The following BCKDHB variants were observed in gnomAD, a reference collection of about 807,000 sequenced individuals.
BCKDHB encodes 2-oxoisovalerate dehydrogenase subunit beta, mitochondrial.
BCKDHB carries 41 observed loss-of-function variants against 48.5 expected under a neutral mutation model. The ratio of observed to expected loss-of-function variants is 0.85; its 90% CI spans 0.66 to 1.10. BCKDHB has a LOEUF of 1.10. Among genes scored for constraint, BCKDHB ranks in the 50% least tolerant of loss-of-function variants. The pLI is 0.00. For missense variants in BCKDHB, 496 were observed against 494.2 expected, an observed-to-expected ratio of 1.00 and a Z score of -0.03; for synonymous variants, 201 against 174.8, an observed-to-expected ratio of 1.15 and a Z score of -1.18.
At chr6:80,244,703 A>G (rs1776534763) in intron 8 of BCKDHB, among the ~76,000 whole-genome samples, 1 of 152,216 alleles carries the variant, frequency 6.6e-6, no homozygotes, top group Non-Finnish European at 1.5e-5. Flanking sequence ...GCCTTGTGGA[A>G]GCTGACAAAA....
At chr6:80,425,448 T>C in the BCKDHB span, among the ~76,000 whole-genome samples, 1 of 152,198 alleles carries the variant, frequency 6.6e-6, no homozygotes, top group Non-Finnish European at 1.5e-5. Context: ...ATTCAATGAA[T>C]TTGCTCTTTA....
chr6:80,343,535 A>G (rs899770864), intron 9 of BCKDHB, 129 bp from the exon 10 acceptor site: 6 of 1,016,002 alleles, frequency 5.9e-6, no homozygotes, highest in African/African-American at 3.2e-5. Context: ...ATATTACAGT[A>G]TACTTAAATA....
chr6:80,125,304 G>T (rs938133807), intron 1 of BCKDHB, among the ~76,000 whole-genome samples: 2 of 152,234 alleles, frequency 1.3e-5, no homozygotes, highest in African/African-American at 4.8e-5. Flanking sequence ...ACTTGCCCTG[G>T]ATTAGGCTTT....
chr6:80,414,879 A>C, the BCKDHB span, among the ~76,000 whole-genome samples: 1 of 152,070 alleles, frequency 6.6e-6, no homozygotes, highest in Non-Finnish European at 1.5e-5. Context: ...GAATCTTCCT[A>C]TTCGGGAGCA....
chr6:80,276,841 A>G (rs909920278), intron 9 of BCKDHB, among the ~76,000 whole-genome samples: 1 of 151,992 alleles, frequency 6.6e-6, no homozygotes, highest in Admixed American at 6.6e-5. Context: ...TTCATAAAAC[A>G]TATATATAGA....
the BCKDHB span, among the ~76,000 whole-genome samples, chr6:80,431,461 C>A: frequency 1.3e-5 from 2 of 152,132 alleles, no homozygotes; most frequent in African/African-American, 4.8e-5. Context: ...GTCTAAGTCT[C>A]TTTGTAGGTC....
At chr6:80,202,027 C>T (rs1490319078) in intron 7 of BCKDHB, among the ~76,000 whole-genome samples, 1 of 151,894 alleles carries the variant, frequency 6.6e-6, no homozygotes, top group African/African-American at 2.4e-5. Context: ...TGATATTGTC[C>T]TTGGTGGGTG....
the BCKDHB span, among the ~76,000 whole-genome samples, chr6:80,464,392 G>A: frequency 6.6e-6 from 1 of 152,080 alleles, no homozygotes; most frequent in Non-Finnish European, 1.5e-5. Context: ...CTCCCAAAGT[G>A]CTGGGATTGC....
chr6:80,443,731 A>C, the BCKDHB span, among the ~76,000 whole-genome samples: 35 of 152,062 alleles, frequency 2.3e-4, no homozygotes, highest in African/African-American at 8.5e-4. Context: ...GCTAGTTTCA[A>C]ACTCCCGGCT....
At chr6:80,269,293 T>C (rs117804495) in intron 8 of BCKDHB, among the ~76,000 whole-genome samples, 1 of 152,262 alleles carries the variant, frequency 6.6e-6, no homozygotes, top group Non-Finnish European at 1.5e-5. Context: ...GGAGCTGGGA[T>C]TCTGATTGCT....
intron 3 of BCKDHB, among the ~76,000 whole-genome samples, chr6:80,130,696 A>G (rs1770584137): frequency 6.6e-6 from 1 of 152,266 alleles, no homozygotes; most frequent in Admixed American, 6.5e-5. Flanking sequence ...TGGAAAATAT[A>G]GAAAAGCATA....
chr6:80,304,702 T>C (rs1408910151), intron 9 of BCKDHB, among the ~76,000 whole-genome samples: 1 of 152,148 alleles, frequency 6.6e-6, no homozygotes, highest in Non-Finnish European at 1.5e-5. Flanking sequence ...TATAGCAAAC[T>C]GAATCCAGAA....
At chr6:80,154,897 A>G (rs2127758694) in intron 3 of BCKDHB, among the ~76,000 whole-genome samples, 1 of 152,222 alleles carries the variant, frequency 6.6e-6, no homozygotes, top group Middle Eastern at 3.4e-3. Flanking sequence ...TTATGTAAAA[A>G]CAGCTTGGCA....
At chr6:80,412,843 A>C in the BCKDHB span, among the ~76,000 whole-genome samples, 430 of 152,294 alleles carry the variant, frequency 2.8e-3, 5 homozygotes, top group East Asian at 0.014. Flanking sequence ...ATGTAATCTA[A>C]CTTTCTCCTG....
intron 3 of BCKDHB, among the ~76,000 whole-genome samples, chr6:80,156,165 A>C (rs1347038129): frequency 2.6e-5 from 4 of 151,798 alleles, no homozygotes; most frequent in Admixed American, 2.6e-4. Context: ...TGAGATTTAA[A>C]ATTTGGGGTT....
chr6:80,398,191 C>T, the BCKDHB span, among the ~76,000 whole-genome samples: 1 of 151,554 alleles, frequency 6.6e-6, no homozygotes, highest in South Asian at 2.1e-4. Flanking sequence ...CCAGAGCAAA[C>T]AAATCCCAAA....
chr6:80,262,629 G>A (rs985418048), intron 8 of BCKDHB, among the ~76,000 whole-genome samples: 1 of 152,102 alleles, frequency 6.6e-6, no homozygotes, highest in Non-Finnish European at 1.5e-5. Flanking sequence ...ACATTAATGG[G>A]TGAAATGCCA....
At chr6:80,374,659 T>C in the BCKDHB span, 1 of 459,330 alleles carries the variant, frequency 2.2e-6, no homozygotes, top group Non-Finnish European at 4.0e-6. Context: ...AATGTTATTA[T>C]TGAGATTTGA....
intron 3 of BCKDHB, among the ~76,000 whole-genome samples, chr6:80,130,172 A>G (rs1251954399): frequency 6.6e-6 from 1 of 152,154 alleles, no homozygotes; most frequent in Non-Finnish European, 1.5e-5. Context: ...TCCTATTGTT[A>G]GGGATACCTT....
Sources: allele counts gnomAD v4.1 joint callset (sites outside exome capture counted in the v4.1 genomes callset), GRCh38; gene constraint gnomAD v4.1.1; transcripts MANE v1.5; gene names NCBI Gene and HGNC (gene_info 2026-07-23, HGNC 2026-07-21).